The following PDGFD variants were observed in gnomAD, a reference collection of about 807,000 sequenced individuals.
PDGFD encodes the protein platelet derived growth factor D.
A neutral mutation model predicts 44.7 loss-of-function variants in PDGFD; 30 were observed. That is an observed-to-expected ratio of 0.67 (90% CI 0.50 to 0.91). The LOEUF (loss-of-function observed/expected upper bound fraction) is 0.91. Among genes scored for constraint, PDGFD ranks in the 40% least tolerant of loss-of-function variants. PDGFD has a pLI of 0.00. For missense variants in PDGFD, 445 were observed against 457.8 expected, an observed-to-expected ratio of 0.97 and a Z score of 0.25; for synonymous variants, 173 against 168.4, an observed-to-expected ratio of 1.03 and a Z score of -0.21.
chr11:103,965,560 T>C (rs1047731285), intron 3 of PDGFD, among the ~76,000 whole-genome samples: 1 of 152,140 alleles, frequency 6.6e-6, no homozygotes, highest in African/African-American at 2.4e-5. Context: ...AGGATATGTA[T>C]GGGTAGAAAG....
chr11:104,036,610 C>A (rs1860237620), intron 1 of PDGFD: 4 of 590,464 alleles, frequency 6.8e-6, no homozygotes, highest in Non-Finnish European at 1.2e-5. Context: ...AACGTGCTAC[C>A]TCAAGGCTCC....
chr11:104,124,647 T>G (rs948475638), intron 1 of PDGFD, among the ~76,000 whole-genome samples: 2 of 152,116 alleles, frequency 1.3e-5, no homozygotes, highest in Non-Finnish European at 2.9e-5. Flanking sequence ...AAGCAAAGTT[T>G]TGACAAGCAA....
At chr11:103,942,023 A>G (rs1591086485) in intron 5 of PDGFD, among the ~76,000 whole-genome samples, 1 of 152,128 alleles carries the variant, frequency 6.6e-6, no homozygotes, top group African/African-American at 2.4e-5. Context: ...GCATATCTCC[A>G]TAACACCAGG....
At chr11:104,091,300 AT>A (rs1242480219) in intron 1 of PDGFD, among the ~76,000 whole-genome samples, 4 of 152,026 alleles carry the variant, frequency 2.6e-5, no homozygotes, top group South Asian at 2.1e-4. Flanking sequence ...AGAATCAGGA[AT>A]TTTTTTTCTT....
intron 5 of PDGFD, among the ~76,000 whole-genome samples, chr11:103,937,032 C>T (rs571584110): frequency 2.6e-4 from 39 of 151,968 alleles, no homozygotes; most frequent in Admixed American, 2.2e-3. Flanking sequence ...CACCATGTTG[C>T]CCAGGCTGGT....
At chr11:104,137,641 T>G (rs1272033361) in intron 1 of PDGFD, among the ~76,000 whole-genome samples, 3 of 151,766 alleles carry the variant, frequency 2.0e-5, no homozygotes, top group Non-Finnish European at 4.4e-5. Context: ...AGACTGATAG[T>G]GGCATTTGAC....
chr11:104,084,496 G>C (rs1012451430), intron 1 of PDGFD, among the ~76,000 whole-genome samples: 1 of 152,004 alleles, frequency 6.6e-6, no homozygotes, highest in Non-Finnish European at 1.5e-5. Flanking sequence ...GTAATTAGCA[G>C]AGGGAAGAAA....
At chr11:104,133,460 A>T (rs10502026) in intron 1 of PDGFD, among the ~76,000 whole-genome samples, 19,822 of 152,106 alleles carry the variant, frequency 0.13, 1,429 homozygotes, top group East Asian at 0.29. Context: ...CCAGCTTCTA[A>T]ACTAAGGAGA....
chr11:103,938,750 T>A (rs965218540), intron 5 of PDGFD, among the ~76,000 whole-genome samples: 3 of 152,198 alleles, frequency 2.0e-5, no homozygotes, highest in Non-Finnish European at 4.4e-5. Flanking sequence ...AAGGAAGGGA[T>A]CCAGTTTCAG....
intron 1 of PDGFD, among the ~76,000 whole-genome samples, chr11:104,118,754 T>C (rs1196418807): frequency 1.7e-5 from 2 of 118,308 alleles, no homozygotes; most frequent in East Asian, 2.2e-4. Flanking sequence ...TATTATATAG[T>C]ATATATTATA....
intron 1 of PDGFD, among the ~76,000 whole-genome samples, chr11:104,013,613 A>G (rs767720349): frequency 2.6e-5 from 4 of 152,034 alleles, no homozygotes; most frequent in Non-Finnish European, 5.9e-5. Context: ...CTAACTTCCA[A>G]TAGAGTGGAT....
chr11:104,135,593 T>C (rs1861992807), intron 1 of PDGFD, among the ~76,000 whole-genome samples: 1 of 152,098 alleles, frequency 6.6e-6, no homozygotes. Context: ...GGCTATTTGG[T>C]GGTATTGAAG....
At chr11:104,119,499 T>G (rs1453513274) in intron 1 of PDGFD, among the ~76,000 whole-genome samples, 1 of 75,278 alleles carries the variant, frequency 1.3e-5, no homozygotes, top group East Asian at 4.7e-4. Flanking sequence ...TATATTGATA[T>G]AATATATAAT....
chr11:104,104,886 T>C (rs756828174), intron 1 of PDGFD, among the ~76,000 whole-genome samples: 12 of 148,788 alleles, frequency 8.1e-5, no homozygotes, highest in Admixed American at 4.1e-4. Context: ...CCTCAAACAC[T>C]GATACCATAT....
chr11:103,940,826 C>G (rs1273462318), intron 5 of PDGFD, among the ~76,000 whole-genome samples: 2 of 152,014 alleles, frequency 1.3e-5, no homozygotes, highest in African/African-American at 4.8e-5. Context: ...AGAAATGCAA[C>G]CTAAGCCAGC....
rs372251989 is a variant in PDGFD, at chr11:104,163,996, G to A, written c.-69C>T. 2.7e-5 allele frequency: 39 copies of A among 1,435,874 alleles called. No homozygotes were observed. The East Asian group carries it at 4.1e-4, about 15-fold the overall frequency. 88.9% of individuals were successfully genotyped at this position (1,435,874 alleles called of 1,614,324 possible). A position where few individuals can be genotyped will look rare whatever the true frequency, so the allele number is the denominator to read the frequency against. ...GGGTTCTGCTCCCGGGACCGACGCCGCGCCGCCCTGCGCTCTCGCCGCCTG... is the reference window on the plus strand; with the variant it reads ...GGGTTCTGCTCCCGGGACCGACGCCACGCCGCCCTGCGCTCTCGCCGCCTG... On this transcript the variant is annotated 5_prime_UTR_variant, in exon 1 of 7. Transcript: ENST00000393158.
At chr11:104,021,228 C>G (rs1019102824) in intron 1 of PDGFD, among the ~76,000 whole-genome samples, 2 of 152,118 alleles carry the variant, frequency 1.3e-5, no homozygotes, top group Non-Finnish European at 2.9e-5. Context: ...AATAACTAGT[C>G]TTATTAGTCA....
rs77123941 is a variant in PDGFD, at chr11:104,037,287, C to A, written c.125-37032G>T. The A allele has an allele frequency of 3.1e-6, 5 of 1,613,152 alleles. No individual in the cohort carries two copies. The African/African-American group carries it at 4.0e-5, about 13-fold the overall frequency. Reference sequence around the variant, plus strand: ...GCAGCATGCTGCTCTCCAACCCCCACGATCTGTCCCTGCTCAAGGAACGCA... The same window carrying A: ...GCAGCATGCTGCTCTCCAACCCCCAAGATCTGTCCCTGCTCAAGGAACGCA... On this transcript the variant is annotated intron_variant, in intron 1 of 6. Transcript: ENST00000393158.
At chr11:104,080,320 C>T (rs1365914992) in intron 1 of PDGFD, among the ~76,000 whole-genome samples, 2 of 151,800 alleles carry the variant, frequency 1.3e-5, no homozygotes. Context: ...ATAAATGATG[C>T]TAAGAAAAAA....
Sources: allele counts gnomAD v4.1 joint callset (sites outside exome capture counted in the v4.1 genomes callset), GRCh38; gene constraint gnomAD v4.1.1; transcripts MANE v1.5; gene names NCBI Gene and HGNC (gene_info 2026-07-23, HGNC 2026-07-21).